The following TAFA2 variants were observed in gnomAD, a reference collection of about 807,000 sequenced individuals.
TAFA2 encodes the protein TAFA chemokine like family member 2.
Under a neutral mutation model 18.8 loss-of-function variants are expected in TAFA2, and 7 were observed. That is an observed-to-expected ratio of 0.37 (90% CI 0.21 to 0.70). The LOEUF (loss-of-function observed/expected upper bound fraction) is 0.70, where lower values mean the gene tolerates loss of function less well. TAFA2 is among the 30% of genes least tolerant of loss of function. The probability of loss-of-function intolerance (pLI) is 0.53; values close to 1 mark genes in which losing one functional copy is unlikely to be tolerated. For missense variants in TAFA2, 122 were observed against 158.1 expected, an observed-to-expected ratio of 0.77 and a Z score of 1.23; for synonymous variants, 60 against 54.2, an observed-to-expected ratio of 1.11 and a Z score of -0.47.
At chr12:61,868,833 G>A (rs569563486) in intron 1 of TAFA2, among the ~76,000 whole-genome samples, 5 of 152,156 alleles carry the variant, frequency 3.3e-5, no homozygotes, top group South Asian at 2.1e-4. Context: ...TCAGAATGCC[G>A]GGGTTTGAGT....
At chr12:62,005,097 T>C (rs1172812437) in intron 1 of TAFA2, among the ~76,000 whole-genome samples, 8 of 152,016 alleles carry the variant, frequency 5.3e-5, no homozygotes, top group Admixed American at 5.2e-4. Flanking sequence ...TGATTAAATA[T>C]AGAAAGCTAA....
chr12:61,920,542 G>A (rs1350805582), intron 1 of TAFA2, among the ~76,000 whole-genome samples: 1 of 152,114 alleles, frequency 6.6e-6, no homozygotes, highest in Non-Finnish European at 1.5e-5. Context: ...CTTTTCCTTT[G>A]TCATGTCACT....
chr12:61,792,351 A>G (rs1871016922), intron 2 of TAFA2, among the ~76,000 whole-genome samples: 1 of 151,668 alleles, frequency 6.6e-6, no homozygotes, highest in South Asian at 2.1e-4. Context: ...ACTACAGTTA[A>G]CAGTAAGGTA....
intron 4 of TAFA2, among the ~76,000 whole-genome samples, chr12:61,746,173 T>A (rs558281855): frequency 3.1e-4 from 47 of 152,174 alleles, no homozygotes; most frequent in African/African-American, 1.1e-3. Context: ...GCTGTTCTCA[T>A]GATAGTGAGT....
At chr12:62,135,647 G>T (rs1226653364) in intron 1 of TAFA2, among the ~76,000 whole-genome samples, 1 of 151,886 alleles carries the variant, frequency 6.6e-6, no homozygotes, top group African/African-American at 2.4e-5. Flanking sequence ...AAGGAAATAG[G>T]CTTTCTTTTT....
At chr12:61,910,917 G>A (rs1434743235) in intron 1 of TAFA2, among the ~76,000 whole-genome samples, 1 of 152,106 alleles carries the variant, frequency 6.6e-6, no homozygotes, top group Admixed American at 6.6e-5. Flanking sequence ...TCTATTTTAG[G>A]AGGCATTCAT....
intron 1 of TAFA2, among the ~76,000 whole-genome samples, chr12:62,016,978 C>T (rs1015286223): frequency 6.6e-6 from 1 of 152,204 alleles, no homozygotes; most frequent in Non-Finnish European, 1.5e-5. Flanking sequence ...CTAATACCAA[C>T]TCTATAACTT....
chr12:61,859,536 A>G (rs1016198462), intron 2 of TAFA2, among the ~76,000 whole-genome samples: 1 of 152,186 alleles, frequency 6.6e-6, no homozygotes, highest in African/African-American at 2.4e-5. Context: ...CTCCGCCTAC[A>G]GGGCTCAAGC....
intron 2 of TAFA2, among the ~76,000 whole-genome samples, chr12:61,768,741 G>C (rs1164031903): frequency 6.6e-6 from 1 of 152,132 alleles, no homozygotes; most frequent in Non-Finnish European, 1.5e-5. Context: ...AGGTCTGCCA[G>C]TGGAATTGGA....
chr12:61,833,818 T>C (rs1872810247), intron 2 of TAFA2, among the ~76,000 whole-genome samples: 1 of 152,028 alleles, frequency 6.6e-6, no homozygotes, highest in Non-Finnish European at 1.5e-5. Flanking sequence ...CATTTCATTA[T>C]GCTTTTGTAC....
At chr12:62,046,279 T>C (rs952052798) in intron 1 of TAFA2, among the ~76,000 whole-genome samples, 6 of 152,122 alleles carry the variant, frequency 3.9e-5, no homozygotes, top group African/African-American at 1.2e-4. Context: ...CACTGATTTA[T>C]TGCCATCCAA....
At chr12:61,793,820 A>T (rs1043332844) in intron 2 of TAFA2, among the ~76,000 whole-genome samples, 3 of 151,896 alleles carry the variant, frequency 2.0e-5, no homozygotes, top group African/African-American at 7.2e-5. Flanking sequence ...ATCCCACATA[A>T]ACATAGATGC....
chr12:62,207,148 C>A (rs1182796121), intron 1 of TAFA2: 3 of 152,200 alleles, frequency 2.0e-5, no homozygotes, highest in African/African-American at 4.8e-5. Flanking sequence ...TAACACTTAT[C>A]CCATTGTGTT....
chr12:61,863,051 A>G (rs1460762714), intron 2 of TAFA2, among the ~76,000 whole-genome samples: 1 of 152,320 alleles, frequency 6.6e-6, no homozygotes, highest in East Asian at 1.9e-4. Flanking sequence ...CAACTTTTCC[A>G]TGAGAAATAT....
intron 1 of TAFA2, among the ~76,000 whole-genome samples, chr12:61,993,888 C>T (rs1172671127): frequency 6.6e-6 from 1 of 152,034 alleles, no homozygotes; most frequent in East Asian, 1.9e-4. Flanking sequence ...TTAAACAGTA[C>T]TTCCCTCATA....
chr12:61,829,436 C>T (rs957781306), intron 2 of TAFA2, among the ~76,000 whole-genome samples: 3 of 151,656 alleles, frequency 2.0e-5, no homozygotes, highest in African/African-American at 7.2e-5. Flanking sequence ...ATTGTTAATA[C>T]ATGAATAGGT....
At chr12:62,257,773 AATCCCTGATTT>A (rs2062947653) in intron 1 of TAFA2, among the ~76,000 whole-genome samples, 1 of 152,344 alleles carries the variant, frequency 6.6e-6, no homozygotes, top group African/African-American at 2.4e-5. Context: ...AAGCAGATAT[AATCCCTGATTT>A]ATATTCAATT....
At chr12:62,240,533 T>C (rs2062858104) in intron 1 of TAFA2, among the ~76,000 whole-genome samples, 1 of 152,206 alleles carries the variant, frequency 6.6e-6, no homozygotes, top group South Asian at 2.1e-4. Context: ...TTATAATGTA[T>C]TATTTTTGCT....
At position 62,156,779 on chromosome 12, in the gene TAFA2, G is replaced by A. The variant is rs140353385; in HGVS notation, c.-2+34480C>T. ...AAGACGGATAAAAGACTACAAATAC[G>A]GTGCAGTGTACACTGCTTGGATGTT... On this transcript the variant is annotated intron_variant, in intron 1 of 4. Transcript: ENST00000416284. 3.0e-4 allele frequency among the ~76,000 whole-genome samples: 46 copies of A among 152,094 alleles called. No individual in the cohort carries two copies. In the East Asian group the frequency reaches 6.4e-3, roughly 21 times the overall value.
Sources: allele counts gnomAD v4.1 joint callset (sites outside exome capture counted in the v4.1 genomes callset), GRCh38; gene constraint gnomAD v4.1.1; transcripts MANE v1.5; gene names NCBI Gene and HGNC (gene_info 2026-07-23, HGNC 2026-07-21).